Variants in ADCK1 observed in about 807,000 individuals in gnomAD.
ADCK1 encodes aarF domain-containing protein kinase 1.
A neutral mutation model predicts 52.3 loss-of-function variants in ADCK1; 41 were observed. The observed-to-expected ratio is 0.78, with a 90% CI of 0.61 to 1.02. The LOEUF is 1.02. Among genes scored for constraint, ADCK1 ranks in the 50% least tolerant of loss-of-function variants. The pLI, the probability that ADCK1 is intolerant of heterozygous loss-of-function variation, is 0.00. For synonymous variants in ADCK1, 250 were observed against 274.6 expected (o/e 0.91, Z 0.89); for missense variants, 658 against 679.5 (o/e 0.97, Z 0.35).
intron 3 of ADCK1, among the ~76,000 whole-genome samples, chr14:77,836,100 G>C (rs1257366290): frequency 6.6e-6 from 1 of 152,146 alleles, no homozygotes; most frequent in Non-Finnish European, 1.5e-5. Context: ...TGTTACCGTG[G>C]GAATGGGTTC....
chr14:77,907,799 C>A lies in ADCK1; in HGVS notation c.742-4C>A. 1.2e-6 allele frequency: 2 copies of A among 1,610,794 alleles called. No individual in the cohort carries two copies. Among genetic ancestry groups the A allele is most frequent in the Non-Finnish European group, 1.7e-6 (2 of 1,177,456 alleles). On this transcript the variant is annotated splice_polypyrimidine_tract_variant and splice_region_variant and intron_variant, in intron 6 of 10. Transcript: ENST00000238561. ...ACCATCTGACCTGTCCCTTCCTATC[C>A]CAGGTCCCCCGAATCCACTGGGACC... is the stretch of plus-strand genomic sequence containing the variant.
chr14:77,829,418 C>A (rs995683159), intron 3 of ADCK1, among the ~76,000 whole-genome samples: 2 of 150,960 alleles, frequency 1.3e-5, no homozygotes, highest in Non-Finnish European at 3.0e-5. Context: ...CTTTAGCCTC[C>A]TGAGTAGTGG....
chr14:77,883,019 G>GCA (rs142507602), intron 4 of ADCK1, among the ~76,000 whole-genome samples: 2 of 135,174 alleles, frequency 1.5e-5, no homozygotes, highest in African/African-American at 2.9e-5. Flanking sequence ...GCACATGTGT[G>GCA]CACACACACA....
chr14:77,804,320 A>C (rs2081173020), intron 1 of ADCK1, among the ~76,000 whole-genome samples: 2 of 152,280 alleles, frequency 1.3e-5, no homozygotes, highest in South Asian at 4.1e-4. Context: ...GAGGGAAGCA[A>C]CTCATTTGCA....
At chr14:77,888,321 G>A (rs1236365389) in intron 5 of ADCK1, among the ~76,000 whole-genome samples, 1 of 152,116 alleles carries the variant, frequency 6.6e-6, no homozygotes, top group East Asian at 1.9e-4. Context: ...GGGAAGGTAG[G>A]TAGGACAGAA....
chr14:77,876,914 C>T (rs1395535421), intron 4 of ADCK1, among the ~76,000 whole-genome samples: 7 of 152,200 alleles, frequency 4.6e-5, no homozygotes, highest in African/African-American at 7.2e-5. Flanking sequence ...AACATCCTTG[C>T]ATGTACAAAG....
intron 4 of ADCK1, among the ~76,000 whole-genome samples, chr14:77,862,455 G>A (rs942940855): frequency 3.9e-5 from 6 of 152,188 alleles, no homozygotes; most frequent in Admixed American, 1.3e-4. Context: ...GGGGATCCCT[G>A]ACCAGGTGGA....
chr14:77,914,261 T>A, intron 7 of ADCK1: 1 of 297,834 alleles, frequency 3.4e-6, no homozygotes, highest in Middle Eastern at 1.8e-3. Context: ...TGTTGTTGCC[T>A]CTCTATTCTT....
intron 1 of ADCK1, among the ~76,000 whole-genome samples, chr14:77,811,107 GT>G (rs1363406908): frequency 6.6e-6 from 1 of 151,992 alleles, no homozygotes; most frequent in African/African-American, 2.4e-5. Context: ...AAAGGGTAGG[GT>G]TAAGTGGGGG....
intron 7 of ADCK1, among the ~76,000 whole-genome samples, chr14:77,918,625 C>T (rs957941919): frequency 6.6e-6 from 1 of 152,164 alleles, no homozygotes; most frequent in Non-Finnish European, 1.5e-5. Flanking sequence ...GGCTGGCTTC[C>T]CTCTTCTGGG....
rs555615758 is a variant in ADCK1 at position 77,821,446 on chromosome 14, C to T, written c.136-989C>T. 2.0e-5 allele frequency among the ~76,000 whole-genome samples: 3 copies of T among 152,202 alleles called. No individual in the cohort carries two copies. The South Asian group carries it at 6.2e-4, about 32-fold the overall frequency. On this transcript the variant is annotated intron_variant, in intron 2 of 10. Coordinates refer to ENST00000238561, the MANE Select transcript of ADCK1 (RefSeq NM_020421.4). ...TTCTTAATATCAACTTTGTAAGTCC[C>T]TGAACTTCTAGGGTCCCAGTTACTC...
At chr14:77,897,850 C>T (rs1193601069) in intron 5 of ADCK1, among the ~76,000 whole-genome samples, 1 of 152,156 alleles carries the variant, frequency 6.6e-6, no homozygotes, top group Non-Finnish European at 1.5e-5. Flanking sequence ...GGGGAGCAGC[C>T]ACAGCAGCAG....
chr14:77,887,069 C>T, intron 4 of ADCK1, 22 bp from the exon 5 acceptor site: 1 of 1,537,704 alleles, frequency 6.5e-7, no homozygotes, highest in Non-Finnish European at 8.8e-7. Flanking sequence ...TTTCATTGCT[C>T]TGTTCTCTCC....
rs115219413 is a variant in ADCK1, at chr14:77,927,639, G to A, written c.1206+1678G>A. 4.5e-3 allele frequency among the ~76,000 whole-genome samples: 689 copies of A among 152,254 alleles called. 9 individuals are homozygous for A. Among genetic ancestry groups the A allele is most frequent in the African/African-American group, 0.015 (640 of 41,526 alleles). ...AGTAGGGTGCTGTGAGTAAGGGGGC[G>A]GAGCAGCACTCAGAGAAGACCTGGC... is the stretch of plus-strand genomic sequence containing the variant. On this transcript the variant is annotated intron_variant, in intron 9 of 10. Coordinates refer to ENST00000238561, the MANE Select transcript of ADCK1 (RefSeq NM_020421.4).
chr14:77,931,630 G>T lies in ADCK1; in HGVS notation c.1319G>T (p.Gly440Val). The change falls in exon 10 of 11, where the codon GGC becomes GTC. Residue 440 changes from glycine (G) to valine (V), a missense_variant. Gly to Val is a moderately radical substitution (Grantham distance 109, BLOSUM62 -3). Coordinates refer to ENST00000238561, the MANE Select transcript of ADCK1 (RefSeq NM_020421.4). Reference sequence around the variant, plus strand: ...TTGAAGACCAACGACCTGCTGCGTGGCATTGAGGCCGCCCTGGGCACCCGC... The same window carrying T: ...TTGAAGACCAACGACCTGCTGCGTGTCATTGAGGCCGCCCTGGGCACCCGC... ...LILKTNDLLR[G>V]IEAALGTRAS... 1 of 1,612,792 alleles carries T rather than the reference G, an allele frequency of 6.2e-7. No homozygotes were observed. Among genetic ancestry groups the T allele is most frequent in the Non-Finnish European group, 8.5e-7 (1 of 1,180,036 alleles).
intron 3 of ADCK1, among the ~76,000 whole-genome samples, chr14:77,852,881 GTGTATA>G (rs1301984399): frequency 8.8e-4 from 26 of 29,598 alleles, no homozygotes; most frequent in African/African-American, 3.7e-3. Context: ...TCTTTTATGT[GTGTATA>G]TATATATATA....
intron 4 of ADCK1, among the ~76,000 whole-genome samples, chr14:77,875,665 T>G (rs973786043): frequency 6.6e-6 from 1 of 152,084 alleles, no homozygotes; most frequent in Non-Finnish European, 1.5e-5. Context: ...CCCACTGCTG[T>G]GTGTGAACTA....
chr14:77,860,971 GT>G (rs1479038381), intron 4 of ADCK1, among the ~76,000 whole-genome samples: 1 of 152,168 alleles, frequency 6.6e-6, no homozygotes, highest in African/African-American at 2.4e-5. Flanking sequence ...GTTAGTGGCT[GT>G]CCCCAAGCCA....
At chr14:77,878,245 T>C (rs2082941579) in intron 4 of ADCK1, among the ~76,000 whole-genome samples, 1 of 152,250 alleles carries the variant, frequency 6.6e-6, no homozygotes, top group African/African-American at 2.4e-5. Context: ...AGTAAACATA[T>C]GTTGGATAGA....
Sources: allele counts gnomAD v4.1 joint callset (sites outside exome capture counted in the v4.1 genomes callset), GRCh38; gene constraint gnomAD v4.1.1; transcripts MANE v1.5; gene names NCBI Gene and HGNC (gene_info 2026-07-23, HGNC 2026-07-21).